Variants in UBR3 observed in about 807,000 individuals in gnomAD.
The protein encoded by UBR3 is ubiquitin protein ligase E3 component n-recognin 3.
UBR3 carries 85 observed loss-of-function variants against 243.2 expected under a neutral mutation model. The observed-to-expected ratio is 0.35, with a 90% CI of 0.29 to 0.42. UBR3 has a LOEUF of 0.42. UBR3 is among the 10% of genes least tolerant of loss of function. UBR3 has a pLI of 1.00. For missense variants in UBR3, 1,686 were observed against 2,300.8 expected, an observed-to-expected ratio of 0.73 and a Z score of 5.47; for synonymous variants, 748 against 799.8, an observed-to-expected ratio of 0.94 and a Z score of 1.09.
intron 35 of UBR3, among the ~76,000 whole-genome samples, chr2:170,068,059 C>T (rs1249571670): frequency 6.6e-6 from 1 of 151,934 alleles, no homozygotes; most frequent in Admixed American, 6.6e-5. Flanking sequence ...CATGAGCCAC[C>T]TCACCCAGCC....
intron 24 of UBR3, among the ~76,000 whole-genome samples, chr2:169,965,936 A>C (rs200136127): frequency 1.3e-5 from 2 of 152,262 alleles, no homozygotes; most frequent in East Asian, 3.9e-4. Context: ...ATAACATACA[A>C]AATATTTCAA....
At chr2:169,916,899 A>G (rs1038004715) in intron 11 of UBR3, among the ~76,000 whole-genome samples, 16 of 150,916 alleles carry the variant, frequency 1.1e-4, no homozygotes, top group African/African-American at 2.7e-4. Flanking sequence ...CAACCCCTCA[A>G]TTACCCCAGC....
At chr2:170,041,092 C>CAATA in intron 32 of UBR3, 107 bp downstream of exon 32, 5 of 1,109,940 alleles carry the variant, frequency 4.5e-6, no homozygotes, top group South Asian at 1.6e-5. Flanking sequence ...CTTGTAATCC[C>CAATA]CGCACTTTAG....
intron 35 of UBR3, among the ~76,000 whole-genome samples, chr2:170,071,100 C>A (rs1038924301): frequency 6.6e-6 from 1 of 152,182 alleles, no homozygotes; most frequent in African/African-American, 2.4e-5. Context: ...GATTTGAAGT[C>A]CTAGAAATCT....
rs981452352 is a variant in UBR3, at chr2:169,896,628, A to G, written c.1358A>G (p.Asn453Ser). ...IVHISVQLFS[N>S]EELARQVTEE... Reference sequence around the variant, plus strand: ...CATATTAGTGTTCAGTTGTTCAGCAATGAGGAGCTAGCCAGACAGGTAACA... The same window carrying G: ...CATATTAGTGTTCAGTTGTTCAGCAGTGAGGAGCTAGCCAGACAGGTAACA... Residue 453 changes from asparagine (N) to serine (S), a missense_variant, in exon 8 of 39, where the codon AAT (asparagine) becomes AGT (serine). Asn to Ser is a conservative substitution (Grantham distance 46). This residue lies in a region of UBR3 where 346 missense variants were observed against 585.8 expected (regional missense o/e 0.59). Transcript: ENST00000272793. 46 of 1,551,268 alleles carry G rather than the reference A, an allele frequency of 3.0e-5. No individual in the cohort carries two copies. The highest frequency in any genetic ancestry group is 1.7e-4 in the Middle Eastern group (1 of 6,012).
At chr2:170,036,106 GT>G (rs1227524269) in intron 31 of UBR3, among the ~76,000 whole-genome samples, 1 of 151,934 alleles carries the variant, frequency 6.6e-6, no homozygotes, top group Admixed American at 6.6e-5. Flanking sequence ...CATGTAATCT[GT>G]AAACAAAGAA....
intron 1 of UBR3, among the ~76,000 whole-genome samples, chr2:169,868,870 T>C (rs1340323339): frequency 6.6e-6 from 1 of 152,196 alleles, no homozygotes; most frequent in Non-Finnish European, 1.5e-5. Flanking sequence ...TTGGTTTACA[T>C]ATTGCATGTG....
At chr2:169,873,925 T>C (rs894147400) in intron 2 of UBR3, among the ~76,000 whole-genome samples, 4 of 152,184 alleles carry the variant, frequency 2.6e-5, no homozygotes, top group Non-Finnish European at 5.9e-5. Flanking sequence ...AAGCTTATCA[T>C]TAGTTTAATG....
chr2:169,946,022 C>G (rs2086779504), intron 20 of UBR3, among the ~76,000 whole-genome samples: 2 of 150,928 alleles, frequency 1.3e-5, no homozygotes, highest in African/African-American at 4.8e-5. Context: ...ATTTGGTAAA[C>G]TTATTTATCT....
At chr2:170,081,441 A>T (rs1412914490) in intron 38 of UBR3, among the ~76,000 whole-genome samples, 1 of 152,138 alleles carries the variant, frequency 6.6e-6, no homozygotes, top group Admixed American at 6.5e-5. Context: ...CGGAGCTTGC[A>T]GTGAGCCAAG....
At chr2:169,838,647 G>T (rs2082193320) in intron 1 of UBR3, among the ~76,000 whole-genome samples, 1 of 152,136 alleles carries the variant, frequency 6.6e-6, no homozygotes, top group Non-Finnish European at 1.5e-5. Flanking sequence ...CGTTCAGACT[G>T]GTGCTCTGCC....
intron 1 of UBR3, among the ~76,000 whole-genome samples, chr2:169,829,516 T>G (rs1046594168): frequency 2.3e-4 from 33 of 142,832 alleles, no homozygotes; most frequent in Admixed American, 2.2e-3. Context: ...CTCCGCCCCC[T>G]GGGTTCAAGC....
intron 14 of UBR3, 83 bp from the exon 15 acceptor site, chr2:169,926,609 C>CA (rs1344570845): frequency 8.9e-6 from 8 of 898,430 alleles, no homozygotes; most frequent in South Asian, 1.9e-5. Context: ...AAACAAAAAA[C>CA]AAAAAAAAGT....
chr2:169,847,556 A>G (rs1021778632), intron 1 of UBR3, among the ~76,000 whole-genome samples: 16 of 152,166 alleles, frequency 1.1e-4, no homozygotes, highest in Admixed American at 6.5e-5. Flanking sequence ...ATATAATGTT[A>G]TTTTTATTTA....
At chr2:170,010,905 C>T (rs568080012) in intron 29 of UBR3, among the ~76,000 whole-genome samples, 1 of 71,456 alleles carries the variant, frequency 1.4e-5, no homozygotes, top group East Asian at 5.1e-4. Flanking sequence ...TGGCTCACAC[C>T]ATAATCTCAG....
At position 169,900,746 on chromosome 2, in the gene UBR3, C is replaced by CT. The variant is rs79574066; in HGVS notation, c.1465+4023dup. Reference sequence around the variant, plus strand: ...CAAGATGAGTCTTAAACCTGCCTCCCTTTTTTTTTTTTAATAGCTAGCTTT... The same window carrying CT: ...CAAGATGAGTCTTAAACCTGCCTCCCTTTTTTTTTTTTTAATAGCTAGCTTT... On this transcript the variant is annotated intron_variant, in intron 8 of 38. Transcript: ENST00000272793. Among the ~76,000 whole-genome samples the CT allele has an allele frequency of 1.0e-3, 147 of 142,992 alleles. 2 individuals carry two copies. In the Middle Eastern group the frequency reaches 0.011, roughly 10 times the overall value. The allele number at this position is 142,992 out of a possible 152,430, so 93.8% of individuals were successfully genotyped here. A position where few individuals can be genotyped will look rare whatever the true frequency, so the allele number is the denominator to read the frequency against.
At chr2:169,915,136 T>A (rs1047799243) in intron 11 of UBR3, among the ~76,000 whole-genome samples, 1 of 152,170 alleles carries the variant, frequency 6.6e-6, no homozygotes, top group Non-Finnish European at 1.5e-5. Flanking sequence ...CCATGATACC[T>A]TTTATAGAAA....
intron 11 of UBR3, among the ~76,000 whole-genome samples, chr2:169,921,319 G>T (rs1365679964): frequency 6.6e-6 from 1 of 152,170 alleles, no homozygotes; most frequent in East Asian, 1.9e-4. Flanking sequence ...ACTCATCTGG[G>T]TAGAGTTAGC....
intron 11 of UBR3, among the ~76,000 whole-genome samples, chr2:169,923,194 G>A (rs1286358770): frequency 6.6e-6 from 1 of 152,068 alleles, no homozygotes; most frequent in East Asian, 1.9e-4. Flanking sequence ...ATGAAGTTTT[G>A]TTATGGAGGC....
Sources: allele counts gnomAD v4.1 joint callset (sites outside exome capture counted in the v4.1 genomes callset), GRCh38; gene constraint gnomAD v4.1.1; regional missense constraint gnomAD v4.1.1; transcripts MANE v1.5; gene names NCBI Gene and HGNC (gene_info 2026-07-23, HGNC 2026-07-21).